KATNBL1: variants seen among roughly 807,000 people sequenced by gnomAD.
The protein encoded by KATNBL1 is KATNB1-like protein 1.
In KATNBL1, 28 loss-of-function variants were observed where a neutral mutation model predicts 44.7. The ratio of observed to expected loss-of-function variants is 0.63; its 90% CI spans 0.46 to 0.86. The LOEUF (loss-of-function observed/expected upper bound fraction) is 0.86. KATNBL1 is among the 40% of genes least tolerant of loss of function. The probability of loss-of-function intolerance (pLI) is 0.00; values close to 1 mark genes in which losing one functional copy is unlikely to be tolerated. For synonymous variants in KATNBL1, 78 were observed against 114.9 expected (o/e 0.68, Z 2.06); for missense variants, 272 against 350.7 (o/e 0.78, Z 1.79).
chr15:34,205,068 A>G (rs938898026), intron 1 of KATNBL1, among the ~76,000 whole-genome samples: 3 of 147,842 alleles, frequency 2.0e-5, no homozygotes. Context: ...ATATCGGCTC[A>G]CTGCAACCTC....
intron 1 of KATNBL1, among the ~76,000 whole-genome samples, chr15:34,179,910 A>G (rs1257079111): frequency 6.6e-6 from 1 of 152,244 alleles, no homozygotes; most frequent in Non-Finnish European, 1.5e-5. Flanking sequence ...GCTTAATCGT[A>G]TAACTCCCTT....
chr15:34,154,736 AAAG>A (rs1888586035), intron 2 of KATNBL1, 52 bp from the exon 3 acceptor site: 6 of 1,237,064 alleles, frequency 4.9e-6, no homozygotes, highest in Non-Finnish European at 7.1e-6. Context: ...TTGGTGCCGC[AAAG>A]AAGAATCAGC....
At chr15:34,188,976 T>A (rs781690312) in intron 1 of KATNBL1, among the ~76,000 whole-genome samples, 6 of 152,234 alleles carry the variant, frequency 3.9e-5, no homozygotes, top group Non-Finnish European at 5.9e-5. Context: ...AAAGACGTCA[T>A]TACTGACATA....
At chr15:34,154,831 T>C (rs1888589503) in intron 2 of KATNBL1, 147 bp from the exon 3 acceptor site, 10 of 630,916 alleles carry the variant, frequency 1.6e-5, no homozygotes, top group Non-Finnish European at 2.8e-5. Flanking sequence ...CGCAAGAGCA[T>C]ACCGGGCATG....
intron 2 of KATNBL1, among the ~76,000 whole-genome samples, chr15:34,159,861 C>T (rs897896574): frequency 3.9e-5 from 6 of 152,152 alleles, no homozygotes; most frequent in African/African-American, 7.2e-5. Flanking sequence ...AAGAGTTTTG[C>T]TCTAAACCCT....
chr15:34,174,181 G>A (rs1889254456), intron 1 of KATNBL1, among the ~76,000 whole-genome samples: 1 of 152,220 alleles, frequency 6.6e-6, no homozygotes, highest in Non-Finnish European at 1.5e-5. Context: ...AGGATAAGTG[G>A]TGGAGGTTAA....
Position 34,163,679 on chromosome 15 carries a change from T to A in KATNBL1, c.-3A>T. On this transcript the variant is annotated 5_prime_UTR_variant, in exon 2 of 10. Transcript: ENST00000256544. The stretch of plus-strand genomic sequence containing the variant: ...ACATTGTGGGTTTCTGATGCCATAA[T>A]CTCTTAAGTACCTAGACAATAAAAT... The A allele has an allele frequency of 6.5e-7, 1 of 1,539,240 alleles. No individual in the cohort carries two copies. The highest frequency in any genetic ancestry group is 8.8e-7 in the Non-Finnish European group (1 of 1,133,314).
chr15:34,184,144 A>C (rs1255527117), intron 1 of KATNBL1, among the ~76,000 whole-genome samples: 1 of 152,152 alleles, frequency 6.6e-6, no homozygotes, highest in East Asian at 1.9e-4. Context: ...TCTACTGAAA[A>C]AATACAAAAG....
chr15:34,191,953 C>CAA (rs572381001), intron 1 of KATNBL1, among the ~76,000 whole-genome samples: 8 of 90,630 alleles, frequency 8.8e-5, no homozygotes, highest in African/African-American at 1.6e-4. Context: ...GACTCCATCT[C>CAA]AAAAAAAAAA....
At chr15:34,165,297 C>T (rs141804105) in intron 1 of KATNBL1, among the ~76,000 whole-genome samples, 1 of 152,006 alleles carries the variant, frequency 6.6e-6, no homozygotes, top group East Asian at 1.9e-4. Flanking sequence ...AGGGTCTTGT[C>T]CACAATGCTA....
Position 34,142,361 on chromosome 15 carries a change from G to A in KATNBL1, c.893C>T (p.Ala298Val). Reference sequence around the variant, plus strand: ...CTCTCAATGTAACTGTAATAAATAAGCATCTACATCCTTAGAAGATAAAAC... The same window carrying A: ...CTCTCAATGTAACTGTAATAAATAAACATCTACATCCTTAGAAGATAAAAC... ...YTGNIAKDVD[A>V]YLLQLH Residue 298 changes from alanine (A) to valine (V), a missense_variant, in exon 10 of 10, where the codon GCT becomes GTT. By Grantham distance (64) the Ala-to-Val change is moderately conservative. Coordinates refer to ENST00000256544, the MANE Select transcript of KATNBL1 (RefSeq NM_024713.3). 6.3e-7 allele frequency: 1 copy of A among 1,589,200 alleles called. No individual in the cohort carries two copies. Among genetic ancestry groups the A allele is most frequent in the East Asian group, 2.3e-5 (1 of 44,338 alleles).
At position 34,154,686 on chromosome 15, in the gene KATNBL1, T is replaced by C; in HGVS notation, c.118-2A>G. The C allele has an allele frequency of 1.3e-6, 2 of 1,563,836 alleles. No individual in the cohort carries two copies. Among genetic ancestry groups the C allele is most frequent in the Non-Finnish European group, 8.8e-7 (1 of 1,134,772 alleles). On this transcript the variant is annotated splice_acceptor_variant, in intron 2 of 9. Transcript: ENST00000256544. LOFTEE classifies it high-confidence loss of function. ...CAACTGTTTTGGAGATTTCTTAACC[T>C]GAAAAATGAAAGTAGATAGTTGATG... is the stretch of plus-strand genomic sequence containing the variant.
intron 1 of KATNBL1, among the ~76,000 whole-genome samples, chr15:34,194,097 A>T (rs1597460778): frequency 6.6e-6 from 1 of 151,908 alleles, no homozygotes; most frequent in African/African-American, 2.4e-5. Flanking sequence ...GCACGCCACC[A>T]TGCCTGGCTT....
At chr15:34,193,124 G>T (rs1363333155) in intron 1 of KATNBL1, among the ~76,000 whole-genome samples, 3 of 150,240 alleles carry the variant, frequency 2.0e-5, no homozygotes, top group Non-Finnish European at 4.4e-5. Context: ...GGCTGAGGCA[G>T]GAGAATGGCG....
At chr15:34,150,674 TG>T (rs1403493735) in intron 4 of KATNBL1, among the ~76,000 whole-genome samples, 2 of 152,212 alleles carry the variant, frequency 1.3e-5, no homozygotes, top group Admixed American at 6.5e-5. Context: ...TTGCATGTTG[TG>T]GGGGTTTGGT....
intron 1 of KATNBL1, among the ~76,000 whole-genome samples, chr15:34,182,215 C>T (rs1344721010): frequency 6.6e-6 from 1 of 151,974 alleles, no homozygotes; most frequent in Non-Finnish European, 1.5e-5. Context: ...ACAGATGATA[C>T]AGTTTTCATC....
intron 2 of KATNBL1, among the ~76,000 whole-genome samples, chr15:34,156,594 G>A (rs1373965587): frequency 6.6e-6 from 1 of 152,224 alleles, no homozygotes; most frequent in African/African-American, 2.4e-5. Flanking sequence ...GTCATTAGAT[G>A]GAGGAAGAAC....
At chr15:34,171,247 C>T (rs548873230) in intron 1 of KATNBL1, among the ~76,000 whole-genome samples, 2 of 152,030 alleles carry the variant, frequency 1.3e-5, no homozygotes, top group African/African-American at 4.8e-5. Flanking sequence ...AAGAAAAAAA[C>T]AAACAACCCA....
At chr15:34,157,041 C>T (rs549163716) in intron 2 of KATNBL1, among the ~76,000 whole-genome samples, 1 of 152,264 alleles carries the variant, frequency 6.6e-6, no homozygotes, top group African/African-American at 2.4e-5. Context: ...AACAGAATTC[C>T]AGTCTGAGAA....
Sources: allele counts gnomAD v4.1 joint callset (sites outside exome capture counted in the v4.1 genomes callset), GRCh38; gene constraint gnomAD v4.1.1; transcripts MANE v1.5; gene names NCBI Gene and HGNC (gene_info 2026-07-23, HGNC 2026-07-21).